Variants in MAP2K6 observed in about 807,000 individuals in gnomAD.
MAP2K6 encodes mitogen-activated protein kinase kinase 6.
Under a neutral mutation model 53.7 loss-of-function variants are expected in MAP2K6, and 16 were observed. That is an observed-to-expected ratio of 0.30 (90% CI 0.20 to 0.45). MAP2K6 has a LOEUF of 0.45. Among genes scored for constraint, MAP2K6 ranks in the 20% least tolerant of loss-of-function variants. The probability of loss-of-function intolerance (pLI) is 1.00; values close to 1 mark genes in which losing one functional copy is unlikely to be tolerated. For synonymous variants in MAP2K6, 132 were observed against 143.1 expected (o/e 0.92, Z 0.55); for missense variants, 204 against 411.9 (o/e 0.50, Z 4.37).
intron 1 of MAP2K6, among the ~76,000 whole-genome samples, chr17:69,468,515 A>C (rs1907884374): frequency 6.6e-6 from 1 of 152,260 alleles, no homozygotes; most frequent in Non-Finnish European, 1.5e-5. Flanking sequence ...ATGTGTTTAT[A>C]AACTGTTGCA....
intron 1 of MAP2K6, among the ~76,000 whole-genome samples, chr17:69,468,632 A>T (rs976038292): frequency 1.4e-4 from 21 of 152,336 alleles, no homozygotes; most frequent in African/African-American, 4.8e-4. Flanking sequence ...GCTGAGTTCG[A>T]AAAGGTGCGA....
chr17:69,516,981 C>G, intron 3 of MAP2K6, 78 bp downstream of exon 3: 2 of 1,166,082 alleles, frequency 1.7e-6, no homozygotes, highest in Non-Finnish European at 2.5e-6. Flanking sequence ...ATTTATTTTC[C>G]CTAGCATGCT....
At position 69,521,033 on chromosome 17, in the gene MAP2K6, T is replaced by C. The variant is rs1910437373; in HGVS notation, c.484-16T>C. ...AGCAATGTGATAAATAAATCTATCT[T>C]GTGTTTCTCTTGCAGATTGTAAAAG... On this transcript the variant is annotated splice_polypyrimidine_tract_variant and intron_variant, in intron 6 of 11. Coordinates refer to ENST00000590474, the MANE Select transcript of MAP2K6 (RefSeq NM_002758.4). The C allele has an allele frequency of 6.3e-7, 1 of 1,585,472 alleles. No homozygotes were observed. The highest frequency in any genetic ancestry group is 8.6e-7 in the Non-Finnish European group (1 of 1,159,994).
intron 2 of MAP2K6, among the ~76,000 whole-genome samples, chr17:69,508,041 G>GT (rs71144698): frequency 0.46 from 20,415 of 44,340 alleles, 9,064 homozygotes; most frequent in Middle Eastern, 0.67. Context: ...TATATATGTA[G>GT]TTTTTTTTTT....
chr17:69,520,874 TG>T (rs1910430129), intron 6 of MAP2K6, 174 bp from the exon 7 acceptor site: 1 of 535,790 alleles, frequency 1.9e-6, no homozygotes. Flanking sequence ...TCCTCTCTGG[TG>T]GATGGAGTCC....
intron 1 of MAP2K6, chr17:69,433,566 G>A (rs1906539707): frequency 6.6e-6 from 1 of 152,234 alleles, no homozygotes; most frequent in Non-Finnish European, 1.5e-5. Context: ...CCTTGGACAT[G>A]TATTAGCTGC....
chr17:69,457,822 A>C (rs1387923089), intron 1 of MAP2K6, among the ~76,000 whole-genome samples: 1 of 152,050 alleles, frequency 6.6e-6, no homozygotes, highest in Non-Finnish European at 1.5e-5. Context: ...AAACCAAAAC[A>C]AAACAAAAGA....
At chr17:69,454,959 A>G (rs770201245) in intron 1 of MAP2K6, among the ~76,000 whole-genome samples, 59 of 152,220 alleles carry the variant, frequency 3.9e-4, no homozygotes, top group Non-Finnish European at 6.9e-4. Flanking sequence ...TTGCTCAAGC[A>G]TTTAATAGGC....
At chr17:69,487,586 G>A (rs1289761245) in intron 1 of MAP2K6, among the ~76,000 whole-genome samples, 2 of 152,154 alleles carry the variant, frequency 1.3e-5, no homozygotes, top group Non-Finnish European at 2.9e-5. Flanking sequence ...TGCCACCAAG[G>A]TAGATATTGG....
Position 69,536,085 on chromosome 17 carries a change from G to C in MAP2K6, c.882-30G>C, listed in dbSNP as rs1384577455. The C allele has an allele frequency of 2.7e-6, 4 of 1,471,404 alleles. No homozygotes were observed. The Admixed American group carries it at 6.8e-5, about 25-fold the overall frequency. The allele number at this position is 1,471,404 out of a possible 1,614,324, so 91.1% of individuals were successfully genotyped here. The stretch of plus-strand genomic sequence containing the variant: ...CTAATGAAAATATATATGGCTTCTA[G>C]ATTTTAATGATTATTTTTTTTTCTT... On this transcript the variant is annotated intron_variant, in intron 10 of 11. Coordinates refer to ENST00000590474, the MANE Select transcript of MAP2K6 (RefSeq NM_002758.4).
At chr17:69,497,162 C>T (rs918174844) in intron 1 of MAP2K6, among the ~76,000 whole-genome samples, 2 of 152,126 alleles carry the variant, frequency 1.3e-5, no homozygotes, top group Non-Finnish European at 2.9e-5. Flanking sequence ...AAACTCTGTA[C>T]ATAGGTAAGA....
chr17:69,469,010 A>G (rs184479089), intron 1 of MAP2K6, among the ~76,000 whole-genome samples: 1 of 152,294 alleles, frequency 6.6e-6, no homozygotes, highest in East Asian at 1.9e-4. Flanking sequence ...AATGGGCAAG[A>G]ATCGTGTTAC....
Position 69,414,811 on chromosome 17 carries a change from T to C in MAP2K6, c.-174T>C. 1 of 612,528 alleles carries C rather than the reference T, an allele frequency of 1.6e-6. No individual in the cohort carries two copies. 37.9% of individuals were successfully genotyped at this position (612,528 alleles called of 1,614,324 possible). On this transcript the variant is annotated 5_prime_UTR_variant, in exon 1 of 12. Transcript: ENST00000590474. ...TCACTTTCCAGTCTGTTTTGCAAGGTGTGCATTTCCATCTTGATTCCCTGA... is the reference window on the plus strand; with the variant it reads ...TCACTTTCCAGTCTGTTTTGCAAGGCGTGCATTTCCATCTTGATTCCCTGA...
In MAP2K6 at chr17:69,516,846, C is replaced by G; in HGVS notation, c.84-9C>G. On this transcript the variant is annotated splice_polypyrimidine_tract_variant and intron_variant, in intron 2 of 11. Transcript: ENST00000590474. ...TTATGTTTCTTCTTTTCCCCCTTAT[C>G]TTTCTTAGACCACCTCGAGATTTAG... is the stretch of plus-strand genomic sequence containing the variant. 1 of 1,585,420 alleles carries G rather than the reference C, an allele frequency of 6.3e-7. No homozygotes were observed. The highest frequency in any genetic ancestry group is 2.2e-5 in the East Asian group (1 of 44,594).
rs150847700 is a variant in MAP2K6 at position 69,551,759 on chromosome 17, G to A, written c.*10006G>A. The A allele has an allele frequency of 3.4e-3, 512 of 152,278 alleles. 6 individuals carry two copies. The highest frequency in any genetic ancestry group is 0.012 in the African/African-American group (489 of 41,554). The allele number at this position is 152,278 out of a possible 1,614,324, so 9.4% of individuals were successfully genotyped here. Reference sequence around the variant, plus strand: ...AATAATAGGTATTTTTAGAGGAAAAGTATTTTTTTGTGTAATTTGCTTACA... The same window carrying A: ...AATAATAGGTATTTTTAGAGGAAAAATATTTTTTTGTGTAATTTGCTTACA... On this transcript the variant is annotated 3_prime_UTR_variant, in exon 12 of 12. Coordinates refer to ENST00000590474, the MANE Select transcript of MAP2K6 (RefSeq NM_002758.4).
intron 1 of MAP2K6, among the ~76,000 whole-genome samples, chr17:69,495,044 A>T (rs1346602114): frequency 6.6e-6 from 1 of 151,342 alleles, no homozygotes; most frequent in Non-Finnish European, 1.5e-5. Flanking sequence ...ACAAAACAAA[A>T]ACCCAAAATT....
At chr17:69,532,056 GC>G (rs1320109309) in intron 10 of MAP2K6, among the ~76,000 whole-genome samples, 3 of 152,132 alleles carry the variant, frequency 2.0e-5, no homozygotes, top group African/African-American at 7.2e-5. Context: ...TTTTCTCCAG[GC>G]CTATTTAAGA....
chr17:69,449,459 C>G (rs888154663), intron 1 of MAP2K6, among the ~76,000 whole-genome samples: 1 of 150,376 alleles, frequency 6.6e-6, no homozygotes, highest in Non-Finnish European at 1.5e-5. Context: ...ATGATTATTA[C>G]TCCTCAGAGT....
intron 1 of MAP2K6, among the ~76,000 whole-genome samples, chr17:69,464,202 A>T (rs1907722671): frequency 6.6e-6 from 1 of 151,668 alleles, no homozygotes; most frequent in Non-Finnish European, 1.5e-5. Flanking sequence ...TTCCTGCCTC[A>T]GCCTCCCGAG....
Sources: allele counts gnomAD v4.1 joint callset (sites outside exome capture counted in the v4.1 genomes callset), GRCh38; gene constraint gnomAD v4.1.1; transcripts MANE v1.5; gene names NCBI Gene and HGNC (gene_info 2026-07-23, HGNC 2026-07-21).